Variants in EGFLAM observed in about 807,000 individuals in gnomAD.
EGFLAM encodes EGF like, fibronectin type III and laminin G domains.
A neutral mutation model predicts 113.1 loss-of-function variants in EGFLAM; 79 were observed. The observed-to-expected ratio is 0.70, with a 90% CI of 0.58 to 0.84. The LOEUF (loss-of-function observed/expected upper bound fraction) is 0.84. Among genes scored for constraint, EGFLAM ranks in the 40% least tolerant of loss-of-function variants. The pLI, the probability that EGFLAM is intolerant of heterozygous loss-of-function variation, is 0.00. For missense variants in EGFLAM, 1,265 were observed against 1,291.6 expected (o/e 0.98, Z 0.32); for synonymous variants, 504 against 487.6 (o/e 1.03, Z -0.44).
intron 3 of EGFLAM, among the ~76,000 whole-genome samples, chr5:38,349,766 TACACACGCAC>T (rs1271195153): frequency 1.4e-4 from 15 of 107,336 alleles, no homozygotes; most frequent in East Asian, 5.3e-4. Flanking sequence ...GCAGGGGAAG[TACACACGCAC>T]ACACACACAC....
chr5:38,417,844 CT>C (rs1741701130), intron 11 of EGFLAM, among the ~76,000 whole-genome samples: 1 of 151,952 alleles, frequency 6.6e-6, no homozygotes, highest in African/African-American at 2.4e-5. Context: ...TTCCAAAATC[CT>C]CCCTTCTGGA....
At chr5:38,455,009 T>C (rs2112275701) in intron 19 of EGFLAM, among the ~76,000 whole-genome samples, 1 of 152,350 alleles carries the variant, frequency 6.6e-6, no homozygotes, top group East Asian at 1.9e-4. Flanking sequence ...TTTTGTTTTG[T>C]GATTGTATGT....
intron 11 of EGFLAM, among the ~76,000 whole-genome samples, chr5:38,413,185 A>ATTTTTTTTTTTTTTTTTTTT (rs34326457): frequency 2.0e-5 from 2 of 100,882 alleles, no homozygotes. Flanking sequence ...TGCCTGGCTA[A>ATTTTTTTTTTTTTTTTTTTT]TTTTTTTTTT....
intron 3 of EGFLAM, 108 bp downstream of exon 3, chr5:38,338,889 C>G (rs1030208120): frequency 2.1e-5 from 18 of 866,020 alleles, no homozygotes; most frequent in Non-Finnish European, 3.4e-5. Context: ...ATAACTAATG[C>G]TTGTAATAGT....
Position 38,438,423 on chromosome 5 carries a change from C to A in EGFLAM, c.2432C>A (p.Pro811His). Residue 811 changes from proline (P) to histidine (H), a missense_variant, in exon 17 of 22, where the codon CCC becomes CAC. Transcript: ENST00000322350. ...PRKEGYDCDCPLGFEGLHCQK... is the reference protein window; with the variant it reads ...PRKEGYDCDCHLGFEGLHCQK... ...AAGGAGGGCTATGACTGTGACTGCCCCTTGGGCTTTGAGGGGCTTCACTGC... is the reference window on the plus strand; with the variant it reads ...AAGGAGGGCTATGACTGTGACTGCCACTTGGGCTTTGAGGGGCTTCACTGC... 6.2e-7 allele frequency: 1 copy of A among 1,612,506 alleles called. No homozygotes were observed. The highest frequency in any genetic ancestry group is 8.5e-7 in the Non-Finnish European group (1 of 1,179,102).
chr5:38,287,899 A>C (rs995726446), intron 1 of EGFLAM, among the ~76,000 whole-genome samples: 21 of 152,226 alleles, frequency 1.4e-4, no homozygotes, highest in African/African-American at 5.1e-4. Flanking sequence ...TTTAATTACC[A>C]TATGCCAGGT....
At chr5:38,372,008 C>T (rs1476683528) in intron 6 of EGFLAM, among the ~76,000 whole-genome samples, 1 of 152,146 alleles carries the variant, frequency 6.6e-6, no homozygotes, top group Non-Finnish European at 1.5e-5. Flanking sequence ...CAGTCTGTCC[C>T]TTAGCTTTCC....
At chr5:38,292,826 A>G (rs1296030619) in intron 1 of EGFLAM, among the ~76,000 whole-genome samples, 3 of 152,224 alleles carry the variant, frequency 2.0e-5, no homozygotes, top group African/African-American at 7.2e-5. Flanking sequence ...ATAAAGAGCC[A>G]TGTGAACAAC....
intron 1 of EGFLAM, chr5:38,290,741 A>G (rs1758305548): frequency 6.6e-6 from 1 of 152,302 alleles, no homozygotes; most frequent in African/African-American, 2.4e-5. Flanking sequence ...TTCTCCATGA[A>G]TGAAGCCCTT....
rs1742789843 is a variant in EGFLAM, at chr5:38,448,312, G to A, written c.2476G>A (p.Ala826Thr). 2 of 1,614,044 alleles carry A rather than the reference G, an allele frequency of 1.2e-6. No individual in the cohort carries two copies. Among genetic ancestry groups the A allele is most frequent in the Admixed American group, 1.7e-5 (1 of 59,998 alleles). The change falls in exon 18 of 22, where the codon GCC becomes ACC. Residue 826 changes from alanine (A) to threonine (T), a missense_variant. Ala to Thr is a moderately conservative substitution (Grantham distance 58). Transcript: ENST00000322350. ...CTGTTCTGTCCCAGCGATCATAGAA[G>A]CCATTGAGATCCCGCAGTTTATCGG... ...GLHCQKAIIE[A>T]IEIPQFIGRS...
intron 1 of EGFLAM, among the ~76,000 whole-genome samples, chr5:38,299,984 AAAAT>A (rs1325760761): frequency 1.3e-5 from 2 of 152,234 alleles, no homozygotes; most frequent in Admixed American, 1.3e-4. Context: ...AAACAATCTG[AAAAT>A]AAATACATCA....
intron 13 of EGFLAM, among the ~76,000 whole-genome samples, chr5:38,426,539 G>A (rs1243469508): frequency 1.3e-5 from 2 of 152,176 alleles, no homozygotes; most frequent in Non-Finnish European, 2.9e-5. Context: ...CTAAAAGAGG[G>A]CATGTGAGTC....
intron 19 of EGFLAM, among the ~76,000 whole-genome samples, chr5:38,454,733 A>G (rs116683497): frequency 0.012 from 1,854 of 152,318 alleles, 40 homozygotes; most frequent in African/African-American, 0.042. Context: ...CCAGGCTCAA[A>G]GCAGATGGAA....
intron 15 of EGFLAM, among the ~76,000 whole-genome samples, chr5:38,433,341 AAG>A (rs1227864741): frequency 1.3e-5 from 2 of 152,248 alleles, no homozygotes; most frequent in African/African-American, 4.8e-5. Flanking sequence ...AGACACGTGG[AAG>A]AGCAGTGCTT....
chr5:38,276,969 A>G (rs988816918), intron 1 of EGFLAM, among the ~76,000 whole-genome samples: 2 of 152,194 alleles, frequency 1.3e-5, no homozygotes, highest in Non-Finnish European at 2.9e-5. Flanking sequence ...GTCACTAGTG[A>G]ATTCTACCAT....
chr5:38,263,331 G>A (rs575530310), intron 1 of EGFLAM, among the ~76,000 whole-genome samples: 34 of 152,222 alleles, frequency 2.2e-4, no homozygotes, highest in African/African-American at 7.0e-4. Context: ...GCTTGGTGGC[G>A]CGTGCCTGTA....
chr5:38,355,680 T>C (rs1193479462), intron 5 of EGFLAM, among the ~76,000 whole-genome samples: 4 of 152,224 alleles, frequency 2.6e-5, no homozygotes, highest in African/African-American at 9.6e-5. Context: ...TATGTGGGTA[T>C]TATGTACAAG....
chr5:38,262,854 T>A (rs73750656), intron 1 of EGFLAM, among the ~76,000 whole-genome samples: 3,221 of 152,306 alleles, frequency 0.021, 111 homozygotes, highest in African/African-American at 0.073. Context: ...AGGAGTGGGA[T>A]CACTGCATCA....
chr5:38,435,192 A>T lies in EGFLAM; in HGVS notation c.2222A>T (p.Asn741Ile). The T allele has an allele frequency of 1.2e-6, 2 of 1,614,138 alleles. No individual in the cohort carries two copies. Among genetic ancestry groups the T allele is most frequent in the Non-Finnish European group, 1.7e-6 (2 of 1,180,030 alleles). Residue 741 changes from asparagine to isoleucine, a missense_variant, in exon 16 of 22, where the codon AAT (asparagine) becomes ATT (isoleucine). Coordinates refer to ENST00000322350, the MANE Select transcript of EGFLAM (RefSeq NM_152403.4). Reference protein sequence around the residue: ...NTDIFIGGVPNYDDVKKNSGV... With the variant: ...NTDIFIGGVPIYDDVKKNSGV... ...GACATTTTCATTGGCGGAGTCCCCA[A>T]TTATGATGATGTGAAGAAGAACTCG...
Sources: allele counts gnomAD v4.1 joint callset (sites outside exome capture counted in the v4.1 genomes callset), GRCh38; gene constraint gnomAD v4.1.1; transcripts MANE v1.5; gene names NCBI Gene and HGNC (gene_info 2026-07-23, HGNC 2026-07-21).